ZNF280D: variants seen among roughly 807,000 people sequenced by gnomAD.
ZNF280D encodes suppressor of hairy wing homolog 4.
ZNF280D carries 39 observed loss-of-function variants against 94.7 expected under a neutral mutation model. The ratio of observed to expected loss-of-function variants is 0.41; its 90% CI spans 0.32 to 0.54. The LOEUF (loss-of-function observed/expected upper bound fraction) is 0.54. Among genes scored for constraint, ZNF280D ranks in the 20% least tolerant of loss-of-function variants. The probability of loss-of-function intolerance (pLI) is 0.22; values close to 1 mark genes in which losing one functional copy is unlikely to be tolerated. For missense variants in ZNF280D, 1,090 were observed against 1,149.3 expected, an observed-to-expected ratio of 0.95 and a Z score of 0.75; for synonymous variants, 398 against 377.6, an observed-to-expected ratio of 1.05 and a Z score of -0.63.
intron 19 of ZNF280D, among the ~76,000 whole-genome samples, chr15:56,648,791 G>A (rs1435517440): frequency 6.6e-6 from 1 of 152,188 alleles, no homozygotes; most frequent in African/African-American, 2.4e-5. Flanking sequence ...GGTATGGGTA[G>A]AGTATAGAAT....
chr15:56,693,483 C>A (rs1224774681), intron 6 of ZNF280D, among the ~76,000 whole-genome samples: 1 of 151,914 alleles, frequency 6.6e-6, no homozygotes, highest in Non-Finnish European at 1.5e-5. Flanking sequence ...TGGTTTACTG[C>A]TGACTAGAAA....
intron 11 of ZNF280D, 96 bp downstream of exon 11, chr15:56,678,568 T>G (rs2055402009): frequency 8.4e-7 from 1 of 1,186,940 alleles, no homozygotes; most frequent in African/African-American, 1.6e-5. Context: ...AGTCTAGTTC[T>G]CATTCTCATT....
intron 3 of ZNF280D, among the ~76,000 whole-genome samples, chr15:56,704,768 G>A (rs141125718): frequency 6.6e-6 from 1 of 152,060 alleles, no homozygotes; most frequent in Non-Finnish European, 1.5e-5. Flanking sequence ...ATTGCTTGAG[G>A]TCAGGAGTTT....
chr15:56,654,530 T>A, intron 17 of ZNF280D, 27 bp from the exon 18 acceptor site: 1 of 1,540,800 alleles, frequency 6.5e-7, no homozygotes. Flanking sequence ...TAAAAAAAGA[T>A]TTTTATCTTT....
intron 20 of ZNF280D, among the ~76,000 whole-genome samples, chr15:56,639,684 C>G (rs2052530409): frequency 6.6e-6 from 1 of 152,046 alleles, no homozygotes; most frequent in Non-Finnish European, 1.5e-5. Flanking sequence ...TGTACTTCAG[C>G]CAAACTATCA....
chr15:56,725,834 T>C (rs2058603148), intron 1 of ZNF280D, among the ~76,000 whole-genome samples: 1 of 151,634 alleles, frequency 6.6e-6, no homozygotes, highest in African/African-American at 2.4e-5. Context: ...AAAAACTAAG[T>C]ATTTATCGAA....
intron 19 of ZNF280D, among the ~76,000 whole-genome samples, chr15:56,650,791 T>C (rs2053162449): frequency 6.6e-6 from 1 of 152,072 alleles, no homozygotes; most frequent in South Asian, 2.1e-4. Context: ...CAGGTAGATA[T>C]ACAAGAAAAC....
rs751667109 is a variant in ZNF280D at position 56,682,397 on chromosome 15, AGTT to A, written c.858_860del (p.Thr287del). 1 of 1,586,262 alleles carries A rather than the reference AGTT, an allele frequency of 6.3e-7. No individual in the cohort carries two copies. Among genetic ancestry groups the A allele is most frequent in the Non-Finnish European group, 8.5e-7 (1 of 1,171,528 alleles). The stretch of plus-strand genomic sequence containing the variant: ...TCAATTTTCCTTTCTCTGAATCAAT[AGTT>A]GTGTTTTTATTTACTGTACTTGAAA... On this transcript the variant is annotated inframe_deletion, in exon 10 of 22. Transcript: ENST00000267807.
At chr15:56,655,419 G>A (rs1364432212) in intron 17 of ZNF280D, among the ~76,000 whole-genome samples, 2 of 136,316 alleles carry the variant, frequency 1.5e-5, no homozygotes, top group Non-Finnish European at 3.1e-5. Context: ...TGTTGGTCAG[G>A]CTGGTCTCGA....
chr15:56,632,021 G>A lies in ZNF280D; in HGVS notation c.2417C>T (p.Ser806Leu), dbSNP rs201207260. 2.8e-4 allele frequency: 457 copies of A among 1,613,758 alleles called. No individual in the cohort carries two copies. Among genetic ancestry groups the A allele is most frequent in the Non-Finnish European group, 3.8e-4 (445 of 1,179,970 alleles). Reference protein sequence around the residue: ...TTKSEESITVSDKENETCLAD... With the variant: ...TTKSEESITVLDKENETCLAD... ...AAGACAGGTTTCATTTTCCTTATCTGAAACTGTTATGCTTTCTTCACTTTT... is the reference window on the plus strand; with the variant it reads ...AAGACAGGTTTCATTTTCCTTATCTAAAACTGTTATGCTTTCTTCACTTTT... Residue 806 changes from serine to leucine, a missense_variant, in exon 22 of 22, where the codon TCA (serine) becomes TTA (leucine). By Grantham distance (145) the Ser-to-Leu change is moderately radical. Transcript: ENST00000267807.
chr15:56,683,606 C>G (rs1175388558), intron 9 of ZNF280D, among the ~76,000 whole-genome samples: 2 of 152,174 alleles, frequency 1.3e-5, no homozygotes, highest in Non-Finnish European at 2.9e-5. Flanking sequence ...CTTATCTTTA[C>G]TCCTCCCAGT....
At chr15:56,645,292 T>A (rs1231685644) in intron 19 of ZNF280D, 1 of 152,186 alleles carries the variant, frequency 6.6e-6, no homozygotes, top group African/African-American at 2.4e-5. Context: ...TTACAATACT[T>A]CTTAATAGAA....
Position 56,733,450 on chromosome 15 carries a change from G to C in ZNF280D, c.-86+8C>G. ...GCGCAGGGCGGGCGGGGGCGGGGGGGCGCTTACCGTGAGCGGAGCGGATCG... is the reference window on the plus strand; with the variant it reads ...GCGCAGGGCGGGCGGGGGCGGGGGGCCGCTTACCGTGAGCGGAGCGGATCG... On this transcript the variant is annotated splice_region_variant and intron_variant, in intron 1 of 21. Transcript: ENST00000267807. The C allele has an allele frequency of 1.9e-6, 2 of 1,064,446 alleles. No individual in the cohort carries two copies. Among genetic ancestry groups the C allele is most frequent in the Non-Finnish European group, 2.3e-6 (2 of 875,936 alleles). 65.9% of individuals were successfully genotyped at this position (1,064,446 alleles called of 1,614,324 possible).
At chr15:56,637,444 G>T (rs144608123) in intron 20 of ZNF280D, among the ~76,000 whole-genome samples, 2,944 of 152,012 alleles carry the variant, frequency 0.019, 44 homozygotes, top group Admixed American at 0.029. Flanking sequence ...GCTTCCCAAA[G>T]TGTTGGGATT....
chr15:56,679,122 G>T (rs1324232511), intron 10 of ZNF280D, among the ~76,000 whole-genome samples: 1 of 151,830 alleles, frequency 6.6e-6, no homozygotes, highest in African/African-American at 2.4e-5. Flanking sequence ...TTAGATAAAA[G>T]AACAGGCTTC....
At chr15:56,732,788 G>C (rs1025387619) in intron 1 of ZNF280D, 1 of 152,212 alleles carries the variant, frequency 6.6e-6, no homozygotes, top group Non-Finnish European at 1.5e-5. Flanking sequence ...CTCAGAGTGA[G>C]ATCATTCTTT....
chr15:56,732,932 G>A (rs1232866625), intron 1 of ZNF280D: 1 of 152,298 alleles, frequency 6.6e-6, no homozygotes, highest in Non-Finnish European at 1.5e-5. Flanking sequence ...TGACAAAAAT[G>A]AGGGTGCAAA....
At chr15:56,668,716 G>A in intron 14 of ZNF280D, 107 bp downstream of exon 14, 2 of 1,085,088 alleles carry the variant, frequency 1.8e-6, no homozygotes, top group South Asian at 3.9e-5. Context: ...ATTAGAGTCT[G>A]AGCAAAAATC....
rs1399934806 is a variant in ZNF280D, at chr15:56,695,904, T to C, written c.382-2689A>G. Among the ~76,000 whole-genome samples the C allele has an allele frequency of 3.3e-5, 5 of 152,308 alleles. 1 individual carries two copies. The highest frequency in any genetic ancestry group is 5.9e-5 in the Non-Finnish European group (4 of 68,018). ...GAGAAATATGTATTTGCAAATACTA[T>C]AGGGTCCTGATACACTCTTCTCACT... On this transcript the variant is annotated intron_variant, in intron 6 of 21. Transcript: ENST00000267807.
Sources: allele counts gnomAD v4.1 joint callset (sites outside exome capture counted in the v4.1 genomes callset), GRCh38; gene constraint gnomAD v4.1.1; transcripts MANE v1.5; gene names NCBI Gene and HGNC (gene_info 2026-07-23, HGNC 2026-07-21).